IGF2R: variants seen among roughly 807,000 people sequenced by gnomAD.
The protein encoded by IGF2R is insulin like growth factor 2 receptor.
IGF2R carries 91 observed loss-of-function variants against 270.6 expected under a neutral mutation model. The ratio of observed to expected loss-of-function variants is 0.34; its 90% CI spans 0.28 to 0.40. The LOEUF (loss-of-function observed/expected upper bound fraction) is 0.40. Ranked by LOEUF, IGF2R falls within the 10% of genes least tolerant of loss-of-function variation. The pLI is 1.00. For synonymous variants in IGF2R, 1,316 were observed against 1,258.9 expected (o/e 1.05, Z -0.96); for missense variants, 2,805 against 3,188.3 (o/e 0.88, Z 2.90).
At chr6:159,985,724 C>G (rs73594482) in intron 1 of IGF2R, among the ~76,000 whole-genome samples, 1,559 of 152,296 alleles carry the variant, frequency 0.01, 26 homozygotes, top group African/African-American at 0.036. Flanking sequence ...CCGGGGAGCA[C>G]TGTCTGGAGG....
At chr6:160,012,152 A>G (rs1294958494) in intron 4 of IGF2R, among the ~76,000 whole-genome samples, 1 of 152,200 alleles carries the variant, frequency 6.6e-6, no homozygotes, top group Non-Finnish European at 1.5e-5. Flanking sequence ...TGAAAAAAAA[A>G]AAGTTTAAAG....
intron 2 of IGF2R, chr6:160,005,231 G>T (rs1414216557): frequency 6.6e-6 from 1 of 152,316 alleles, no homozygotes; most frequent in Non-Finnish European, 1.5e-5. Flanking sequence ...AGGAGGCTCT[G>T]CCGGCGAGTC....
chr6:160,021,776 A>G (rs993848424), intron 4 of IGF2R, among the ~76,000 whole-genome samples: 1 of 152,284 alleles, frequency 6.6e-6, no homozygotes, highest in South Asian at 2.1e-4. Context: ...CTTATACACC[A>G]TTGGTGGGAA....
chr6:160,088,557 G>A (rs1249248076), intron 42 of IGF2R, among the ~76,000 whole-genome samples: 1 of 152,138 alleles, frequency 6.6e-6, no homozygotes, highest in Admixed American at 6.5e-5. Context: ...AAGTTTTCCC[G>A]GCCACATTGC....
At chr6:160,039,201 C>G (rs1053356654) in intron 10 of IGF2R, among the ~76,000 whole-genome samples, 6 of 152,282 alleles carry the variant, frequency 3.9e-5, no homozygotes, top group Middle Eastern at 6.8e-3. Flanking sequence ...ATGGTGTAGC[C>G]TATTGGCTCC....
chr6:160,101,525 C>G (rs1286684613), intron 45 of IGF2R, among the ~76,000 whole-genome samples: 2 of 152,246 alleles, frequency 1.3e-5, no homozygotes, highest in African/African-American at 4.8e-5. Context: ...GAGCGGCAGC[C>G]CTTGCGGCTG....
intron 4 of IGF2R, among the ~76,000 whole-genome samples, chr6:160,017,075 C>T (rs569397705): frequency 1.6e-4 from 24 of 151,880 alleles, no homozygotes; most frequent in Non-Finnish European, 2.9e-4. Flanking sequence ...TTTAAAGAAG[C>T]TTAATGAGAT....
chr6:160,034,848 T>G (rs759740587), intron 10 of IGF2R, among the ~76,000 whole-genome samples: 1 of 152,210 alleles, frequency 6.6e-6, no homozygotes, highest in Non-Finnish European at 1.5e-5. Context: ...AAGGACAGAT[T>G]CGGCAGGGGC....
At chr6:159,994,285 A>C (rs914284897) in intron 2 of IGF2R, among the ~76,000 whole-genome samples, 3 of 151,718 alleles carry the variant, frequency 2.0e-5, no homozygotes, top group African/African-American at 4.8e-5. Flanking sequence ...GTCTTTCCAT[A>C]GTATCAATGT....
At chr6:160,080,981 C>T (rs192274521) in intron 39 of IGF2R, among the ~76,000 whole-genome samples, 87 of 149,906 alleles carry the variant, frequency 5.8e-4, no homozygotes, top group Non-Finnish European at 1.1e-3. Context: ...AAAAAATTAG[C>T]TGGGCGTGGT....
chr6:160,104,539 G>A, intron 47 of IGF2R, 135 bp from the exon 48 acceptor site: 1 of 837,368 alleles, frequency 1.2e-6, no homozygotes, highest in Non-Finnish European at 1.9e-6. Context: ...AACTGGAGAT[G>A]CAGTGACTGT....
At position 160,040,830 on chromosome 6, in the gene IGF2R, G is replaced by A. The variant is rs1376542064; in HGVS notation, c.1480+106G>A. 8.9e-6 allele frequency: 10 copies of A among 1,127,514 alleles called. No individual in the cohort carries two copies. In the African/African-American group the frequency reaches 9.3e-5, roughly 10 times the overall value. The allele number at this position is 1,127,514 out of a possible 1,614,324, so 69.8% of individuals were successfully genotyped here. On this transcript the variant is annotated intron_variant, in intron 11 of 47. Transcript: ENST00000356956. Reference sequence around the variant, plus strand: ...ACTATTTTCTTTGTCAGTGGGTTGCGTCACAGCCCTCCCCCAGTTTTTTCA... The same window carrying A: ...ACTATTTTCTTTGTCAGTGGGTTGCATCACAGCCCTCCCCCAGTTTTTTCA...
intron 1 of IGF2R, among the ~76,000 whole-genome samples, chr6:159,989,905 G>A (rs1783950300): frequency 6.6e-6 from 1 of 152,226 alleles, no homozygotes; most frequent in Admixed American, 6.5e-5. Flanking sequence ...CACCTATTTT[G>A]TCCCAAGTAT....
intron 4 of IGF2R, among the ~76,000 whole-genome samples, chr6:160,023,085 C>T (rs1446141855): frequency 6.6e-6 from 1 of 152,136 alleles, no homozygotes; most frequent in Non-Finnish European, 1.5e-5. Context: ...AGTGCTAATC[C>T]TGTGCTTGTG....
At chr6:160,041,062 C>T (rs887064569) in intron 11 of IGF2R, among the ~76,000 whole-genome samples, 25 of 152,140 alleles carry the variant, frequency 1.6e-4, no homozygotes, top group African/African-American at 4.6e-4. Flanking sequence ...TGCTGTTCAC[C>T]GCTGCCTCAG....
At chr6:159,983,880 A>T (rs1433570508) in intron 1 of IGF2R, among the ~76,000 whole-genome samples, 1 of 152,198 alleles carries the variant, frequency 6.6e-6, no homozygotes, top group Non-Finnish European at 1.5e-5. Flanking sequence ...ACTTGATATT[A>T]TTTCCATGGA....
At chr6:160,097,556 C>T (rs1339421854) in intron 45 of IGF2R, among the ~76,000 whole-genome samples, 1 of 152,192 alleles carries the variant, frequency 6.6e-6, no homozygotes, top group Non-Finnish European at 1.5e-5. Context: ...TCTTGAACTC[C>T]TCACCTCAGA....
intron 29 of IGF2R, among the ~76,000 whole-genome samples, chr6:160,067,385 C>T (rs75786396): frequency 1.8e-4 from 28 of 151,966 alleles, no homozygotes; most frequent in African/African-American, 6.5e-4. Context: ...ACTTCATATC[C>T]CCCTTATCTG....
intron 10 of IGF2R, among the ~76,000 whole-genome samples, chr6:160,037,986 A>G (rs1262402227): frequency 1.3e-5 from 2 of 152,214 alleles, no homozygotes; most frequent in Non-Finnish European, 2.9e-5. Flanking sequence ...AGGCTGGGAA[A>G]CGGAGTTTAG....
Sources: allele counts gnomAD v4.1 joint callset (sites outside exome capture counted in the v4.1 genomes callset), GRCh38; gene constraint gnomAD v4.1.1; transcripts MANE v1.5; gene names NCBI Gene and HGNC (gene_info 2026-07-23, HGNC 2026-07-21).